DOCK3: variants seen among roughly 807,000 people sequenced by gnomAD.
DOCK3 encodes the protein dedicator of cytokinesis protein 3.
Under a neutral mutation model 265.6 loss-of-function variants are expected in DOCK3, and 60 were observed. The observed-to-expected ratio is 0.23, with a 90% CI of 0.18 to 0.28. The LOEUF (loss-of-function observed/expected upper bound fraction) is 0.28. Ranked by LOEUF, DOCK3 falls within the 10% of genes least tolerant of loss-of-function variation. DOCK3 has a pLI of 1.00. For missense variants in DOCK3, 1,981 were observed against 2,594.3 expected (o/e 0.76, Z 5.14); for synonymous variants, 881 against 938.0 (o/e 0.94, Z 1.11).
chr3:51,335,655 C>G (rs2084809688), intron 35 of DOCK3, among the ~76,000 whole-genome samples: 1 of 152,210 alleles, frequency 6.6e-6, no homozygotes, highest in South Asian at 2.1e-4. Context: ...CCAAGCAACT[C>G]TTTTCCTCTG....
In DOCK3 at chr3:50,675,897, AC is replaced by A. The variant is rs1302578278; in HGVS notation, c.37+600del. ...AATGTTTATACGGTTTTTTTTTTAAACCCTGTTTTCAGATGAGACCTTATTC... is the reference window on the plus strand; with the variant it reads ...AATGTTTATACGGTTTTTTTTTTAAACCTGTTTTCAGATGAGACCTTATTC... On this transcript the variant is annotated intron_variant, in intron 1 of 52. Coordinates refer to ENST00000266037, the MANE Select transcript of DOCK3 (RefSeq NM_004947.5). This position sits in a 1 kb window ranked among gnomAD's most constrained non-coding sequence, Gnocchi z 6.1. Among the ~76,000 whole-genome samples, 6 of 151,866 alleles carry A rather than the reference AC, an allele frequency of 4.0e-5. No individual in the cohort carries two copies. The highest frequency in any genetic ancestry group is 1.5e-5 in the Non-Finnish European group (1 of 67,944).
At chr3:51,272,302 A>G (rs567496466) in intron 24 of DOCK3, among the ~76,000 whole-genome samples, 124 of 142,402 alleles carry the variant, frequency 8.7e-4, no homozygotes, top group Middle Eastern at 4.0e-3. Flanking sequence ...TTTGAGACGG[A>G]GTCTCGCTCT....
intron 9 of DOCK3, among the ~76,000 whole-genome samples, chr3:51,094,785 T>C (rs2082772168): frequency 6.6e-6 from 1 of 151,896 alleles, no homozygotes; most frequent in African/African-American, 2.4e-5. Flanking sequence ...TCTCCCACTA[T>C]TATTGTGTGG....
intron 5 of DOCK3, among the ~76,000 whole-genome samples, chr3:51,025,268 G>T (rs1462504452): frequency 6.6e-6 from 1 of 152,160 alleles, no homozygotes; most frequent in Admixed American, 6.5e-5. Context: ...AGAGACCAAG[G>T]TGGTTCTCAG....
At chr3:50,890,315 A>G (rs2048579571) in intron 4 of DOCK3, among the ~76,000 whole-genome samples, 1 of 152,088 alleles carries the variant, frequency 6.6e-6, no homozygotes, top group African/African-American at 2.4e-5. Flanking sequence ...AAAATCAGTT[A>G]GGCATGCAGT....
intron 5 of DOCK3, among the ~76,000 whole-genome samples, chr3:50,986,918 A>G (rs904172306): frequency 2.0e-5 from 3 of 152,222 alleles, no homozygotes; most frequent in Non-Finnish European, 4.4e-5. Context: ...CTATGATCTT[A>G]AGGTGCTGGA....
chr3:51,226,314 A>C (rs1341119189), intron 15 of DOCK3, among the ~76,000 whole-genome samples: 1 of 152,188 alleles, frequency 6.6e-6, no homozygotes. Context: ...TTTCTGTTGC[A>C]TGTGAGTTTT....
intron 1 of DOCK3, among the ~76,000 whole-genome samples, chr3:50,735,380 C>T (rs1244624613): frequency 6.6e-6 from 1 of 152,148 alleles, no homozygotes; most frequent in Admixed American, 6.6e-5. Flanking sequence ...GTCTCTGTCA[C>T]CCAGGCTGTA....
chr3:51,047,942 T>C (rs1472986582), intron 5 of DOCK3, among the ~76,000 whole-genome samples: 1 of 152,046 alleles, frequency 6.6e-6, no homozygotes, highest in African/African-American at 2.4e-5. Flanking sequence ...AAAAGATAAC[T>C]TCAGGCCACT....
intron 3 of DOCK3, among the ~76,000 whole-genome samples, chr3:50,845,032 G>A (rs2046014354): frequency 6.6e-6 from 1 of 152,168 alleles, no homozygotes; most frequent in African/African-American, 2.4e-5. Flanking sequence ...AGATCAGCCT[G>A]GCCAACATGG....
At chr3:50,922,158 A>T (rs952273714) in intron 4 of DOCK3, among the ~76,000 whole-genome samples, 10 of 152,302 alleles carry the variant, frequency 6.6e-5, no homozygotes, top group Non-Finnish European at 1.2e-4. Context: ...GCAGAGGTGG[A>T]GTCTACAGAG....
chr3:51,002,640 T>C (rs1180166834), intron 5 of DOCK3, among the ~76,000 whole-genome samples: 1 of 152,200 alleles, frequency 6.6e-6, no homozygotes, highest in East Asian at 1.9e-4. Context: ...CATTTGGAGA[T>C]CCAGTTGTTT....
intron 4 of DOCK3, among the ~76,000 whole-genome samples, chr3:50,919,242 G>T (rs2050299213): frequency 6.6e-6 from 1 of 152,166 alleles, no homozygotes; most frequent in African/African-American, 2.4e-5. Flanking sequence ...GGGCAATGCG[G>T]ACTCTTTTTT....
At position 51,330,401 on chromosome 3, in the gene DOCK3, G is replaced by A. The variant is rs576825650; in HGVS notation, c.3488+178G>A. ...TCAACAAGAAACCAAGGTCTTTCAG[G>A]GATTCCCATAGTTGACTGAAAAGAT... On this transcript the variant is annotated intron_variant, in intron 33 of 52. Transcript: ENST00000266037. 4.6e-5 allele frequency among the ~76,000 whole-genome samples: 7 copies of A among 152,098 alleles called. No individual in the cohort carries two copies. In the South Asian group the frequency reaches 1.5e-3, roughly 32 times the overall value.
At chr3:51,351,727 G>T (rs923077213) in intron 40 of DOCK3, among the ~76,000 whole-genome samples, 1 of 147,464 alleles carries the variant, frequency 6.8e-6, no homozygotes, top group African/African-American at 2.5e-5. Flanking sequence ...CACGATCTTG[G>T]CTCACCGCAA....
At chr3:51,366,392 G>T (rs919266754) in intron 49 of DOCK3, among the ~76,000 whole-genome samples, 2 of 151,536 alleles carry the variant, frequency 1.3e-5, no homozygotes, top group South Asian at 2.1e-4. Flanking sequence ...TTCTTTATTA[G>T]TCTTGCTAGT....
At chr3:51,143,180 C>T (rs1304016290) in intron 9 of DOCK3, among the ~76,000 whole-genome samples, 1 of 151,888 alleles carries the variant, frequency 6.6e-6, no homozygotes, top group East Asian at 1.9e-4. Flanking sequence ...AGCCACCGTG[C>T]CCGGCTGGTA....
rs375482937 is a variant in DOCK3, at chr3:51,229,574, C to T, written c.1882C>T (p.Arg628Trp). ...CGACCGGATCATGGATGTACTAGGG[C>T]GGCTGCGGCATGTCAGTGGGGAGGA... Reference protein sequence around the residue: ...FPDRIMDVLGRLRHVSGEEIV... With the variant: ...FPDRIMDVLGWLRHVSGEEIV... The change falls in exon 19 of 53, where the codon CGG becomes TGG. Residue 628 changes from arginine to tryptophan, a missense_variant. Around this residue, in one of 4 missense-constraint regions of DOCK3, gnomAD observed 1,357 missense variants for 1,866.8 expected, o/e 0.73. Transcript: ENST00000266037. The T allele has an allele frequency of 1.0e-5, 16 of 1,606,472 alleles. No individual in the cohort carries two copies. The highest frequency in any genetic ancestry group is 2.7e-5 in the African/African-American group (2 of 74,670).
At chr3:51,058,902 C>T (rs962140607) in intron 5 of DOCK3, among the ~76,000 whole-genome samples, 6 of 151,868 alleles carry the variant, frequency 4.0e-5, no homozygotes, top group Admixed American at 3.9e-4. Flanking sequence ...AAAATAATTA[C>T]ATATATATGT....
Sources: gnomAD v4.1 joint callset for allele counts (sites outside exome capture counted in the v4.1 genomes callset) on GRCh38, gnomAD v4.1.1 for gene constraint, gnomAD v4.1.1 regional missense constraint, Gnocchi (gnomAD v3.1) non-coding constraint, MANE v1.5 for transcripts, NCBI Gene and HGNC (gene_info 2026-07-23, HGNC 2026-07-21) for gene names.